SND1: variants seen among roughly 807,000 people sequenced by gnomAD.
The protein encoded by SND1 is staphylococcal nuclease domain-containing protein 1.
SND1 carries 38 observed loss-of-function variants against 121.7 expected under a neutral mutation model. The ratio of observed to expected loss-of-function variants is 0.31; its 90% CI spans 0.24 to 0.41. The LOEUF (loss-of-function observed/expected upper bound fraction) is 0.41. Ranked by LOEUF, SND1 falls within the 10% of genes least tolerant of loss-of-function variation. SND1 has a pLI of 1.00. For missense variants in SND1, 868 were observed against 1,184.6 expected (o/e 0.73, Z 3.92); for synonymous variants, 401 against 447.4 (o/e 0.90, Z 1.31).
chr7:127,923,819 C>T (rs1288964688), intron 14 of SND1, among the ~76,000 whole-genome samples: 1 of 152,186 alleles, frequency 6.6e-6, no homozygotes, highest in African/African-American at 2.4e-5. Flanking sequence ...ATACACCATA[C>T]ACAATACACT....
At chr7:128,056,650 C>CT (rs1793147069) in intron 16 of SND1, among the ~76,000 whole-genome samples, 1 of 152,202 alleles carries the variant, frequency 6.6e-6, no homozygotes, top group African/African-American at 2.4e-5. Flanking sequence ...AGTTGGCAGA[C>CT]TCATGAGCTC....
At chr7:127,961,784 T>C (rs903493369) in intron 15 of SND1, among the ~76,000 whole-genome samples, 2 of 152,182 alleles carry the variant, frequency 1.3e-5, no homozygotes, top group African/African-American at 4.8e-5. Flanking sequence ...CAAATGCCAG[T>C]GTCCACTCCC....
intron 16 of SND1, among the ~76,000 whole-genome samples, chr7:128,068,663 T>C (rs1793357771): frequency 6.6e-6 from 1 of 152,182 alleles, no homozygotes; most frequent in African/African-American, 2.4e-5. Context: ...CCTCCATGTT[T>C]GATTTCAGCC....
At chr7:127,873,197 GA>G (rs1430823697) in intron 12 of SND1, among the ~76,000 whole-genome samples, 1 of 152,134 alleles carries the variant, frequency 6.6e-6, no homozygotes, top group African/African-American at 2.4e-5. Context: ...CAGGGTGACT[GA>G]AACTGTTGGG....
chr7:127,657,193 A>T (rs1029191194), intron 1 of SND1, among the ~76,000 whole-genome samples: 2 of 152,248 alleles, frequency 1.3e-5, no homozygotes, highest in Non-Finnish European at 2.9e-5. Flanking sequence ...AACAGAATTT[A>T]AAAAGTAGAT....
intron 16 of SND1, chr7:128,030,524 G>C (rs1197097912): frequency 1.2e-6 from 2 of 1,613,316 alleles, no homozygotes; most frequent in Non-Finnish European, 1.7e-6. Flanking sequence ...GCCCGGCTGA[G>C]GCGGCAGCAG....
intron 16 of SND1, among the ~76,000 whole-genome samples, chr7:128,062,122 G>GTGTCCGATCTGGAGTGTAGGT (rs1793241292): frequency 6.6e-6 from 1 of 152,232 alleles, no homozygotes; most frequent in Non-Finnish European, 1.5e-5. Flanking sequence ...TTTTTATTCT[G>GTGTCCGATCTGGAGTGTAGGT]TGTCCGATCT....
chr7:127,953,785 C>G (rs889890622), intron 15 of SND1, among the ~76,000 whole-genome samples: 2 of 152,192 alleles, frequency 1.3e-5, no homozygotes, highest in African/African-American at 4.8e-5. Flanking sequence ...TATTCAGTGA[C>G]TGCTTATCCA....
At chr7:127,679,371 A>C (rs1221949587) in intron 1 of SND1, 1 of 152,212 alleles carries the variant, frequency 6.6e-6, no homozygotes, top group African/African-American at 2.4e-5. Context: ...AGAATATGGA[A>C]GGCTCTATAG....
At chr7:127,790,527 G>A (rs1308511985) in intron 10 of SND1, among the ~76,000 whole-genome samples, 1 of 152,146 alleles carries the variant, frequency 6.6e-6, no homozygotes, top group East Asian at 1.9e-4. Flanking sequence ...TTAGTGGTGT[G>A]GCCAAGGGTC....
chr7:127,692,853 CCT>C (rs1205589060), intron 2 of SND1, among the ~76,000 whole-genome samples: 1 of 152,148 alleles, frequency 6.6e-6, no homozygotes, highest in Non-Finnish European at 1.5e-5. Context: ...AACATGAGGT[CCT>C]AAGGGGAAGA....
At position 127,804,143 on chromosome 7, in the gene SND1, G is replaced by T. The variant is rs114010364; in HGVS notation, c.1153-3341G>T. On this transcript the variant is annotated intron_variant, in intron 10 of 23. Coordinates refer to ENST00000354725, the MANE Select transcript of SND1 (RefSeq NM_014390.4). ...TTCCATACCTCACTTGCCTCTTGGA[G>T]ATTTCAAAGGCTTTTATATACCTGG... 4.4e-3 allele frequency among the ~76,000 whole-genome samples: 664 copies of T among 152,280 alleles called. 7 individuals are homozygous for T. The highest frequency in any genetic ancestry group is 0.015 in the African/African-American group (638 of 41,564).
At chr7:127,685,821 C>T (rs1347949187) in intron 1 of SND1, 2 of 152,324 alleles carry the variant, frequency 1.3e-5, no homozygotes, top group African/African-American at 4.8e-5. Context: ...CTAGGTATTG[C>T]ATCCACCTTA....
chr7:127,898,966 GCCCTACAGTC>G (rs1296464249), intron 13 of SND1, among the ~76,000 whole-genome samples: 1 of 151,936 alleles, frequency 6.6e-6, no homozygotes, highest in Admixed American at 6.6e-5. Context: ...TCATTTTTTT[GCCCTACAGTC>G]ACTTTGGCAT....
At chr7:128,024,516 GTC>G (rs1314295032) in intron 16 of SND1, among the ~76,000 whole-genome samples, 1 of 152,182 alleles carries the variant, frequency 6.6e-6, no homozygotes, top group East Asian at 1.9e-4. Flanking sequence ...CCCTCTCCCA[GTC>G]TCTACCCATT....
intron 11 of SND1, among the ~76,000 whole-genome samples, chr7:127,810,957 G>A (rs1426141740): frequency 1.3e-5 from 2 of 152,214 alleles, no homozygotes; most frequent in African/African-American, 4.8e-5. Flanking sequence ...AGATGGAATT[G>A]TAAGAAGCCA....
chr7:127,749,955 C>T (rs1040818469), intron 10 of SND1, among the ~76,000 whole-genome samples: 4 of 152,118 alleles, frequency 2.6e-5, no homozygotes, highest in Non-Finnish European at 5.9e-5. Flanking sequence ...CACATAGACG[C>T]CAGGCTTGGT....
intron 10 of SND1, among the ~76,000 whole-genome samples, chr7:127,730,027 G>A (rs778952312): frequency 3.9e-5 from 6 of 152,250 alleles, no homozygotes; most frequent in Middle Eastern, 3.4e-3. Context: ...GCAATGTGGC[G>A]ATCTCGGGTC....
Position 127,704,940 on chromosome 7 carries a change from A to G in SND1, c.942A>G (p.Ala314=), listed in dbSNP as rs759790982. Reference sequence around the variant, plus strand: ...GGGGCGCAGAAAAGCTGAGGGCGGCAGAGAGGTAAGGTCTGTCCAAGAGGC... The same window carrying G: ...GGGGCGCAGAAAAGCTGAGGGCGGCGGAGAGGTAAGGTCTGTCCAAGAGGC... ...YTRGAEKLRA[A]ERFAKERRLR... is the part of the protein sequence containing the mutation. The change falls in exon 8 of 24, where the codon GCA becomes GCG. Residue 314 remains alanine (A), a synonymous_variant. Transcript: ENST00000354725. The G allele has an allele frequency of 1.3e-5, 21 of 1,613,722 alleles. No homozygotes were observed. The Admixed American group carries it at 2.8e-4, about 22-fold the overall frequency.
Sources: gnomAD v4.1 joint callset for allele counts (sites outside exome capture counted in the v4.1 genomes callset) on GRCh38, gnomAD v4.1.1 for gene constraint, MANE v1.5 for transcripts, NCBI Gene and HGNC (gene_info 2026-07-23, HGNC 2026-07-21) for gene names.